Variants in JPT1 observed in about 807,000 individuals in gnomAD.
The protein encoded by JPT1 is Jupiter microtubule associated homolog 1.
JPT1 carries 5 observed loss-of-function variants against 17.0 expected under a neutral mutation model. The ratio of observed to expected loss-of-function variants is 0.29; its 90% CI spans 0.15 to 0.62. The LOEUF (loss-of-function observed/expected upper bound fraction) is 0.62. Among genes scored for constraint, JPT1 ranks in the 20% least tolerant of loss-of-function variants. The pLI, the probability that JPT1 is intolerant of heterozygous loss-of-function variation, is 0.85. For missense variants in JPT1, 158 were observed against 188.1 expected (o/e 0.84, Z 0.94); for synonymous variants, 71 against 73.6 (o/e 0.96, Z 0.18).
At chr17:75,146,555 G>A in intron 4 of JPT1, 111 bp downstream of exon 4, 5 of 750,198 alleles carry the variant, frequency 6.7e-6, no homozygotes, top group Admixed American at 2.8e-5. Flanking sequence ...CTTGGGGCAT[G>A]GCCAGGTTTC....
chr17:75,135,908 T>A lies in JPT1; in HGVS notation c.*194A>T. ...CCAATCTACTACTAGAAAACACTCA[T>A]GCCATGGCCCACAGACCCAAGAGTC... On this transcript the variant is annotated 3_prime_UTR_variant, in exon 5 of 5. Transcript: ENST00000409753. The A allele has an allele frequency of 8.4e-7, 1 of 1,189,478 alleles. No individual in the cohort carries two copies. The allele number at this position is 1,189,478 out of a possible 1,614,324, so 73.7% of individuals were successfully genotyped here. A position where few individuals can be genotyped will look rare whatever the true frequency, so the allele number is the denominator to read the frequency against.
intron 1 of JPT1, among the ~76,000 whole-genome samples, chr17:75,150,080 T>C (rs527999555): frequency 2.0e-5 from 3 of 152,282 alleles, no homozygotes; most frequent in Admixed American, 6.5e-5. Context: ...CAGTGTTCCT[T>C]TGAATATCAT....
Position 75,154,492 on chromosome 17 carries a change from A to T in JPT1, c.-95T>A. 4 of 1,195,486 alleles carry T rather than the reference A, an allele frequency of 3.3e-6. No individual in the cohort carries two copies. In the South Asian group the frequency reaches 5.5e-5, roughly 17 times the overall value. 74.1% of individuals were successfully genotyped at this position (1,195,486 alleles called of 1,614,324 possible). On this transcript the variant is annotated 5_prime_UTR_variant, in exon 1 of 5. Transcript: ENST00000409753. ...GAAACTCCACACCCAACAGCCGACC[A>T]CCGCTGCAGGAGCCGCCGCTGCCGC...
chr17:75,136,060 T>C lies in JPT1; in HGVS notation c.*42A>G. 6.2e-7 allele frequency: 1 copy of C among 1,613,940 alleles called. No homozygotes were observed. The highest frequency in any genetic ancestry group is 8.5e-7 in the Non-Finnish European group (1 of 1,179,986). ...GCTCAAGTTGTGCAGTTCACAAGCA[T>C]GGAGGAAACAGACAGAACGACAGCG... On this transcript the variant is annotated 3_prime_UTR_variant, in exon 5 of 5. Transcript: ENST00000409753.
rs199615730 is a variant in JPT1 at position 75,141,771 on chromosome 17, T to TA, written c.316+4894dup. 6.7e-4 allele frequency among the ~76,000 whole-genome samples: 101 copies of TA among 151,230 alleles called. No homozygotes were observed. In the Middle Eastern group the frequency reaches 0.01, roughly 15 times the overall value. ...GCGAAAACTCCGTGTCTGCTAAAAA[T>TA]AAAAAAAATTAGTTGAGCGAGGCTG... On this transcript the variant is annotated intron_variant, in intron 4 of 4. Coordinates refer to ENST00000409753, the MANE Select transcript of JPT1 (RefSeq NM_016185.4).
At position 75,154,480 on chromosome 17, in the gene JPT1, C is replaced by T. The variant is rs1027824746; in HGVS notation, c.-83G>A. On this transcript the variant is annotated 5_prime_UTR_variant, in exon 1 of 5. Coordinates refer to ENST00000409753, the MANE Select transcript of JPT1 (RefSeq NM_016185.4). Reference sequence around the variant, plus strand: ...GAGGGGCGCTGGGAAACTCCACACCCAACAGCCGACCACCGCTGCAGGAGC... The same window carrying T: ...GAGGGGCGCTGGGAAACTCCACACCTAACAGCCGACCACCGCTGCAGGAGC... 92 of 1,309,210 alleles carry T rather than the reference C, an allele frequency of 7.0e-5. No homozygotes were observed. In the East Asian group the frequency reaches 2.2e-3, roughly 31 times the overall value. The allele number at this position is 1,309,210 out of a possible 1,614,324, so 81.1% of individuals were successfully genotyped here.
rs373921506 is a variant in JPT1, at chr17:75,142,034, A to G, written c.316+4632T>C. Reference sequence around the variant, plus strand: ...CCTTGAGCTGAGATCATACCACTGCACTCCAGCCTGGGTGACAGAGCAAGG... The same window carrying G: ...CCTTGAGCTGAGATCATACCACTGCGCTCCAGCCTGGGTGACAGAGCAAGG... On this transcript the variant is annotated intron_variant, in intron 4 of 4. Coordinates refer to ENST00000409753, the MANE Select transcript of JPT1 (RefSeq NM_016185.4). Among the ~76,000 whole-genome samples, 184 of 152,120 alleles carry G rather than the reference A, an allele frequency of 1.2e-3. 7 individuals carry two copies. In the South Asian group the frequency reaches 0.037, roughly 31 times the overall value.
intron 4 of JPT1, 96 bp downstream of exon 4, chr17:75,146,570 C>CACTTGGGGCATGG (rs1192991875): frequency 2.2e-5 from 21 of 934,680 alleles, no homozygotes; most frequent in Non-Finnish European, 3.4e-5. Flanking sequence ...GGTTTCACTC[C>CACTTGGGGCATGG]CCAGTCTCTT....
chr17:75,139,834 C>T (rs1180413299), intron 4 of JPT1, among the ~76,000 whole-genome samples: 2 of 152,206 alleles, frequency 1.3e-5, no homozygotes, highest in East Asian at 3.9e-4. Context: ...AAATAAATGT[C>T]TGTCCAGTCA....
chr17:75,141,900 C>T (rs544699028), intron 4 of JPT1, among the ~76,000 whole-genome samples: 1 of 151,866 alleles, frequency 6.6e-6, no homozygotes, highest in Non-Finnish European at 1.5e-5. Context: ...GAAACTCCGT[C>T]TCTACTAAAA....
intron 3 of JPT1, 187 bp from the exon 4 acceptor site, chr17:75,146,871 T>A (rs1284085695): frequency 3.6e-6 from 2 of 549,404 alleles, no homozygotes; most frequent in Admixed American, 3.4e-5. Flanking sequence ...AAATTCTGCA[T>A]GATAAATTGC....
At chr17:75,137,901 G>A (rs921209590) in intron 4 of JPT1, among the ~76,000 whole-genome samples, 6 of 151,458 alleles carry the variant, frequency 4.0e-5, no homozygotes, top group Non-Finnish European at 7.4e-5. Flanking sequence ...ACCTACCTTG[G>A]CCTCCCAAAG....
intron 1 of JPT1, among the ~76,000 whole-genome samples, chr17:75,151,225 C>T (rs1240891766): frequency 6.6e-6 from 1 of 152,086 alleles, no homozygotes; most frequent in Non-Finnish European, 1.5e-5. Context: ...CCCAGCTACT[C>T]CGGAGGCTGA....
chr17:75,136,446 TATG>T (rs2074199350), intron 4 of JPT1, among the ~76,000 whole-genome samples, 196 bp from the exon 5 acceptor site: 1 of 152,228 alleles, frequency 6.6e-6, no homozygotes, highest in Non-Finnish European at 1.5e-5. Context: ...ATTTGTTGTT[TATG>T]TTCTTTTCTA....
At chr17:75,148,790 A>C in intron 1 of JPT1, 119 bp from the exon 2 acceptor site, 1 of 1,166,268 alleles carries the variant, frequency 8.6e-7, no homozygotes, top group Non-Finnish European at 1.2e-6. Context: ...CCCCTACAAC[A>C]GATAGCTGCT....
intron 1 of JPT1, among the ~76,000 whole-genome samples, chr17:75,152,273 T>C (rs2074566180): frequency 6.6e-6 from 1 of 152,240 alleles, no homozygotes; most frequent in Admixed American, 6.6e-5. Flanking sequence ...AATGTGTCCA[T>C]GTACTGTAAA....
intron 4 of JPT1, chr17:75,145,386 T>C (rs2074406795): frequency 6.6e-6 from 1 of 152,162 alleles, no homozygotes; most frequent in African/African-American, 2.4e-5. Context: ...CTTACAAACC[T>C]TGCACTCATC....
intron 1 of JPT1, among the ~76,000 whole-genome samples, chr17:75,151,454 A>T (rs1007143933): frequency 1.3e-5 from 2 of 152,036 alleles, no homozygotes; most frequent in Admixed American, 1.3e-4. Flanking sequence ...TCAAGAGATC[A>T]AGACCATCCT....
intron 1 of JPT1, among the ~76,000 whole-genome samples, chr17:75,150,094 T>C (rs547736978): frequency 6.6e-6 from 1 of 152,312 alleles, no homozygotes; most frequent in South Asian, 2.1e-4. Flanking sequence ...ATATCATCTG[T>C]AGCTTTCTGT....
Sources: gnomAD v4.1 joint callset for allele counts (sites outside exome capture counted in the v4.1 genomes callset) on GRCh38, gnomAD v4.1.1 for gene constraint, MANE v1.5 for transcripts, NCBI Gene and HGNC (gene_info 2026-07-23, HGNC 2026-07-21) for gene names.